Variants in TYW1B observed in about 807,000 individuals in gnomAD.
The protein encoded by TYW1B is tRNA-yW synthesizing protein 1 homolog B.
Under a neutral mutation model 86.9 loss-of-function variants are expected in TYW1B, and 73 were observed. The ratio of observed to expected loss-of-function variants is 0.84; its 90% confidence interval spans 0.70 to 1.02. The LOEUF (loss-of-function observed/expected upper bound fraction) is 1.02. TYW1B is among the 50% of genes least tolerant of loss of function. TYW1B has a pLI of 0.00. For synonymous variants in TYW1B, 248 were observed against 292.8 expected (o/e 0.85, Z 1.56); for missense variants, 637 against 827.4 (o/e 0.77, Z 2.82).
At chr7:72,603,533 C>T (rs1328985983) in intron 13 of TYW1B, among the ~76,000 whole-genome samples, 4 of 152,178 alleles carry the variant, frequency 2.6e-5, no homozygotes, top group Non-Finnish European at 4.4e-5. Flanking sequence ...GGACGGGGAG[C>T]CTAACACTGC....
Position 72,692,374 on chromosome 7 carries a change from G to C in TYW1B, c.1506+2313C>G, listed in dbSNP as rs561463515. 7.8e-4 allele frequency among the ~76,000 whole-genome samples: 118 copies of C among 152,054 alleles called. 1 individual carries two copies. The highest frequency in any genetic ancestry group is 2.6e-3 in the African/African-American group (106 of 41,474). On this transcript the variant is annotated intron_variant, in intron 11 of 13. Transcript: ENST00000620995. ...AAAAAAAAATCAAAAAATTAACTAG[G>C]CATGGCAGCATGTGCCTGTGGTCCC... is the stretch of plus-strand genomic sequence containing the variant.
chr7:72,818,578 C>CAAAA (rs57325230), intron 2 of TYW1B, among the ~76,000 whole-genome samples: 28 of 38,382 alleles, frequency 7.3e-4, no homozygotes, highest in African/African-American at 2.6e-3. Flanking sequence ...GACTCCATCT[C>CAAAA]AAAAAAAAAA....
chr7:72,693,778 G>C (rs1406887692), intron 11 of TYW1B, among the ~76,000 whole-genome samples: 37 of 151,696 alleles, frequency 2.4e-4, no homozygotes, highest in Non-Finnish European at 3.8e-4. Context: ...ACCAACCATG[G>C]ATGAAAAATA....
chr7:72,688,354 C>T lies in TYW1B; in HGVS notation c.1506+6333G>A, dbSNP rs116782426. Among the ~76,000 whole-genome samples, 957 of 152,274 alleles carry T rather than the reference C, an allele frequency of 6.3e-3. 12 individuals are homozygous for T. Among genetic ancestry groups the T allele is most frequent in the African/African-American group, 0.021 (872 of 41,554 alleles). Reference sequence around the variant, plus strand: ...ATTCAGATCTATTATTTGCTCTCCCCATTTCCATCTTTCCCATTCATCCCT... The same window carrying T: ...ATTCAGATCTATTATTTGCTCTCCCTATTTCCATCTTTCCCATTCATCCCT... On this transcript the variant is annotated intron_variant, in intron 11 of 13. Transcript: ENST00000620995.
At chr7:72,623,797 T>C (rs1466408389) in intron 12 of TYW1B, among the ~76,000 whole-genome samples, 1 of 152,118 alleles carries the variant, frequency 6.6e-6, no homozygotes, top group Non-Finnish European at 1.5e-5. Flanking sequence ...ATTATTGCTG[T>C]TGTTATTTAT....
intron 13 of TYW1B, among the ~76,000 whole-genome samples, chr7:72,599,843 T>C (rs2129568028): frequency 6.6e-6 from 1 of 152,236 alleles, no homozygotes; most frequent in Admixed American, 6.5e-5. Flanking sequence ...GATATATATA[T>C]GTAGAAAACA....
intron 1 of TYW1B, among the ~76,000 whole-genome samples, 191 bp downstream of exon 1, chr7:72,827,881 C>G (rs1274595418): frequency 6.6e-6 from 1 of 152,234 alleles, no homozygotes; most frequent in Non-Finnish European, 1.5e-5. Flanking sequence ...ACCCCCTAGC[C>G]TCAAAAGGCA....
chr7:72,680,893 T>TA (rs1554448375), intron 11 of TYW1B, among the ~76,000 whole-genome samples: 1 of 152,208 alleles, frequency 6.6e-6, no homozygotes, highest in Non-Finnish European at 1.5e-5. Context: ...GTTACAGTGG[T>TA]ACTTACTATC....
intron 5 of TYW1B, among the ~76,000 whole-genome samples, chr7:72,804,231 G>A (rs1554476265): frequency 6.6e-6 from 1 of 150,546 alleles, no homozygotes; most frequent in African/African-American, 2.4e-5. Flanking sequence ...GTTGCAGTGA[G>A]CTGAGATCGT....
intron 13 of TYW1B, among the ~76,000 whole-genome samples, chr7:72,577,848 C>T (rs1198475023): frequency 2.0e-5 from 3 of 152,208 alleles, no homozygotes; most frequent in African/African-American, 7.2e-5. Context: ...CTCTGTCTAA[C>T]TCACATGTCC....
At chr7:72,821,999 A>C (rs1419008487) in intron 2 of TYW1B, among the ~76,000 whole-genome samples, 1 of 151,912 alleles carries the variant, frequency 6.6e-6, no homozygotes, top group Non-Finnish European at 1.5e-5. Context: ...TAATCCTAAC[A>C]CTTTCAGTAG....
intron 11 of TYW1B, among the ~76,000 whole-genome samples, chr7:72,687,396 T>C (rs1413666192): frequency 1.3e-5 from 2 of 152,090 alleles, no homozygotes. Context: ...ATCACACCAT[T>C]GCACTCCAGC....
intron 9 of TYW1B, among the ~76,000 whole-genome samples, chr7:72,718,716 A>C (rs1299730974): frequency 6.6e-6 from 1 of 152,234 alleles, no homozygotes; most frequent in African/African-American, 2.4e-5. Context: ...AGCTCATTCT[A>C]TGTTGCCAAG....
chr7:72,627,682 T>C (rs1256697512), intron 12 of TYW1B, among the ~76,000 whole-genome samples: 4 of 152,102 alleles, frequency 2.6e-5, no homozygotes, highest in African/African-American at 9.7e-5. Flanking sequence ...GCAGACATTA[T>C]GTGACTCCTG....
intron 10 of TYW1B, among the ~76,000 whole-genome samples, chr7:72,709,632 C>T (rs1484333337): frequency 6.6e-6 from 1 of 152,094 alleles, no homozygotes; most frequent in Non-Finnish European, 1.5e-5. Flanking sequence ...GGCGCCATTG[C>T]ACTCTAGCCT....
At chr7:72,614,413 ACT>A (rs1812016367) in intron 13 of TYW1B, among the ~76,000 whole-genome samples, 1 of 152,122 alleles carries the variant, frequency 6.6e-6, no homozygotes, top group Non-Finnish European at 1.5e-5. Flanking sequence ...CAGGCGTATC[ACT>A]TGGGGTCAGG....
intron 10 of TYW1B, among the ~76,000 whole-genome samples, chr7:72,711,470 A>ACTTTTTTT (rs1786660778): frequency 4.4e-5 from 2 of 45,634 alleles, no homozygotes; most frequent in African/African-American, 1.7e-4. Context: ...CTCCTCTTTA[A>ACTTTTTTT]TTCTTTTTTT....
chr7:72,679,951 G>A (rs1813829005), intron 11 of TYW1B, among the ~76,000 whole-genome samples: 1 of 152,324 alleles, frequency 6.6e-6, no homozygotes, highest in Non-Finnish European at 1.5e-5. Context: ...GCAACACAGT[G>A]AGACCGTATC....
chr7:72,702,783 C>T (rs1361864448), intron 10 of TYW1B, among the ~76,000 whole-genome samples: 2 of 151,786 alleles, frequency 1.3e-5, no homozygotes, highest in East Asian at 3.9e-4. Flanking sequence ...ACCATTTTTT[C>T]GTGAATATAT....
Sources: allele counts gnomAD v4.1 joint callset (sites outside exome capture counted in the v4.1 genomes callset), GRCh38; gene constraint gnomAD v4.1.1; transcripts MANE v1.5; gene names NCBI Gene and HGNC (gene_info 2026-07-23, HGNC 2026-07-21).